The following CCSER1 variants were observed in gnomAD, a reference collection of about 807,000 sequenced individuals.
The protein encoded by CCSER1 is coiled-coil serine rich protein 1.
In CCSER1, 41 loss-of-function variants were observed where a neutral mutation model predicts 82.0. The observed-to-expected ratio is 0.50, with a 90% confidence interval of 0.39 to 0.65. The LOEUF (loss-of-function observed/expected upper bound fraction) is 0.65. Among genes scored for constraint, CCSER1 ranks in the 30% least tolerant of loss-of-function variants. The probability of loss-of-function intolerance (pLI) is 0.00; values close to 1 mark genes in which losing one functional copy is unlikely to be tolerated. For synonymous variants in CCSER1, 414 were observed against 383.9 expected, an observed-to-expected ratio of 1.08 and a Z score of -0.92; for missense variants, 1,119 against 1,064.2, an observed-to-expected ratio of 1.05 and a Z score of -0.72.
intron 10 of CCSER1, among the ~76,000 whole-genome samples, chr4:91,587,637 C>T (rs184405754): frequency 4.0e-5 from 6 of 151,564 alleles, no homozygotes; most frequent in Admixed American, 4.0e-4. Context: ...TGAGATTTGC[C>T]GAAATATAAC....
chr4:91,086,039 G>A (rs1723363020), intron 10 of CCSER1, 45 bp downstream of exon 10: 1 of 1,181,704 alleles, frequency 8.5e-7, no homozygotes, highest in African/African-American at 1.5e-5. Context: ...AGGAAACATG[G>A]CTATGGTGTT....
intron 10 of CCSER1, among the ~76,000 whole-genome samples, chr4:91,277,532 T>C (rs1276757665): frequency 6.6e-6 from 1 of 150,906 alleles, no homozygotes. Flanking sequence ...TGTCCTTTTT[T>C]TTTTTTTTTT....
At chr4:91,000,230 GTATAGTATA>G (rs1204428337) in intron 9 of CCSER1, among the ~76,000 whole-genome samples, 4 of 9,658 alleles carry the variant, frequency 4.1e-4, no homozygotes, top group African/African-American at 8.3e-4. Context: ...GTATAGTATA[GTATAGTATA>G]GTATAGTATA....
chr4:90,749,148 T>C (rs2149475243), intron 7 of CCSER1, among the ~76,000 whole-genome samples: 1 of 151,524 alleles, frequency 6.6e-6, no homozygotes, highest in East Asian at 2.0e-4. Context: ...CTAGGTTTTC[T>C]TCTAGGGTTT....
At chr4:90,807,994 A>G (rs1483645243) in intron 7 of CCSER1, among the ~76,000 whole-genome samples, 2 of 152,144 alleles carry the variant, frequency 1.3e-5, no homozygotes, top group East Asian at 1.9e-4. Context: ...TTCAAATTTT[A>G]CTACAAGGCT....
At chr4:91,301,415 A>G (rs1342059897) in intron 10 of CCSER1, among the ~76,000 whole-genome samples, 1 of 151,650 alleles carries the variant, frequency 6.6e-6, no homozygotes, top group African/African-American at 2.4e-5. Context: ...TTCCAAGTGG[A>G]AAAAAATGTG....
chr4:91,413,972 A>T (rs532502373), intron 10 of CCSER1, among the ~76,000 whole-genome samples: 2 of 152,290 alleles, frequency 1.3e-5, no homozygotes, highest in Admixed American at 6.5e-5. Flanking sequence ...AAGAAAAGAT[A>T]AAGACATTAT....
chr4:90,374,425 T>G (rs1388328646), intron 3 of CCSER1, among the ~76,000 whole-genome samples: 1 of 152,162 alleles, frequency 6.6e-6, no homozygotes, highest in Non-Finnish European at 1.5e-5. Flanking sequence ...GGGATTTCCT[T>G]GACAATCAAT....
At chr4:90,147,687 A>G (rs1235402743) in intron 1 of CCSER1, among the ~76,000 whole-genome samples, 3 of 152,186 alleles carry the variant, frequency 2.0e-5, no homozygotes, top group Non-Finnish European at 4.4e-5. Context: ...ATATGAATAC[A>G]TCCGTAAATA....
rs531761554 is a variant in CCSER1 at position 90,839,022 on chromosome 4, C to A, written c.2094+23177C>A. ...TCGAATTTCTCGATCTCAGCCATAT[C>A]GGGTTTGTCAGACATGGTTGCGGAG... On this transcript the variant is annotated intron_variant, in intron 8 of 10. Coordinates refer to ENST00000509176, the MANE Select transcript of CCSER1 (RefSeq NM_001145065.2). The A allele has an allele frequency of 8.7e-6, 14 of 1,612,418 alleles. No homozygotes were observed. The East Asian group carries it at 2.0e-4, about 23-fold the overall frequency.
intron 10 of CCSER1, among the ~76,000 whole-genome samples, chr4:91,177,057 T>C (rs544047870): frequency 2.8e-4 from 42 of 152,334 alleles, no homozygotes; most frequent in African/African-American, 1.0e-3. Flanking sequence ...GAAGGCCTTT[T>C]CTGCATCTAT....
chr4:91,049,239 A>G (rs1309837673), intron 9 of CCSER1, among the ~76,000 whole-genome samples: 1 of 152,206 alleles, frequency 6.6e-6, no homozygotes, highest in Non-Finnish European at 1.5e-5. Flanking sequence ...GAATTTTTAC[A>G]ATGATAATAA....
intron 9 of CCSER1, among the ~76,000 whole-genome samples, chr4:90,963,692 T>TA (rs751993779): frequency 6.6e-5 from 10 of 152,096 alleles, no homozygotes; most frequent in Non-Finnish European, 1.2e-4. Context: ...CCAGACCTGC[T>TA]GACACCTTGA....
At chr4:91,081,521 C>T (rs1722741127) in intron 9 of CCSER1, among the ~76,000 whole-genome samples, 1 of 152,156 alleles carries the variant, frequency 6.6e-6, no homozygotes, top group South Asian at 2.1e-4. Flanking sequence ...GATGCCCTCT[C>T]TCACCACTCC....
intron 10 of CCSER1, among the ~76,000 whole-genome samples, chr4:91,160,428 G>T (rs2148974910): frequency 6.6e-6 from 1 of 152,280 alleles, no homozygotes; most frequent in African/African-American, 2.4e-5. Context: ...ACATGGCTGG[G>T]TCAAATGGTA....
chr4:91,193,864 G>C (rs991911455), intron 10 of CCSER1, among the ~76,000 whole-genome samples: 1 of 150,862 alleles, frequency 6.6e-6, no homozygotes, highest in African/African-American at 2.4e-5. Flanking sequence ...CCTTATGATT[G>C]CTATGTTTTG....
intron 1 of CCSER1, among the ~76,000 whole-genome samples, chr4:90,213,394 A>T (rs1479152282): frequency 6.6e-6 from 1 of 152,164 alleles, no homozygotes; most frequent in East Asian, 1.9e-4. Context: ...TCTATTGGAC[A>T]TCTAAGTGAA....
At chr4:90,406,186 G>A (rs886137324) in intron 4 of CCSER1, among the ~76,000 whole-genome samples, 2 of 152,054 alleles carry the variant, frequency 1.3e-5, no homozygotes, top group Non-Finnish European at 2.9e-5. Flanking sequence ...CATGCAAATG[G>A]ACAACAAAAT....
intron 1 of CCSER1, among the ~76,000 whole-genome samples, chr4:90,179,768 G>A (rs1453656999): frequency 6.6e-6 from 1 of 151,650 alleles, no homozygotes; most frequent in Non-Finnish European, 1.5e-5. Flanking sequence ...TTATTAGAAA[G>A]TATTTCCTGA....
Sources: allele counts gnomAD v4.1 joint callset (sites outside exome capture counted in the v4.1 genomes callset), GRCh38; gene constraint gnomAD v4.1.1; transcripts MANE v1.5; gene names NCBI Gene and HGNC (gene_info 2026-07-23, HGNC 2026-07-21).